Variants in FNDC3B observed in about 807,000 individuals in gnomAD.
The protein encoded by FNDC3B is fibronectin type III domain-containing protein 3B.
Under a neutral mutation model 151.5 loss-of-function variants are expected in FNDC3B, and 12 were observed. That is an observed-to-expected ratio of 0.08 (90% CI 0.05 to 0.13). The LOEUF (loss-of-function observed/expected upper bound fraction) is 0.13, where lower values mean the gene tolerates loss of function less well. Among genes scored for constraint, FNDC3B ranks in the 10% least tolerant of loss-of-function variants. The pLI, the probability that FNDC3B is intolerant of heterozygous loss-of-function variation, is 1.00. For synonymous variants in FNDC3B, 528 were observed against 549.0 expected (o/e 0.96, Z 0.54); for missense variants, 1,214 against 1,505.3 (o/e 0.81, Z 3.20).
At chr3:172,254,739 A>G (rs1460001646) in intron 6 of FNDC3B, among the ~76,000 whole-genome samples, 1 of 152,190 alleles carries the variant, frequency 6.6e-6, no homozygotes, top group East Asian at 1.9e-4. Flanking sequence ...AGAGGCCCAT[A>G]GTACACTCTG....
At chr3:172,330,006 T>G (rs901383046) in intron 12 of FNDC3B, 1 of 152,218 alleles carries the variant, frequency 6.6e-6, no homozygotes, top group African/African-American at 2.4e-5. Flanking sequence ...TTGATAAACA[T>G]TGCCTTGTGC....
chr3:172,084,472 T>TACACACACACACACACACACACACAC lies in FNDC3B; in HGVS notation c.-28-27967_-28-27966insCACACACACACACACACACACACACA, dbSNP rs138156277. 3.4e-3 allele frequency among the ~76,000 whole-genome samples: 490 copies of TACACACACACACACACACACACACAC among 143,588 alleles called. 3 individuals are homozygous for TACACACACACACACACACACACACAC. Among genetic ancestry groups the TACACACACACACACACACACACACAC allele is most frequent in the Non-Finnish European group, 4.3e-3 (284 of 66,322 alleles). The allele number at this position is 143,588 out of a possible 152,430, so 94.2% of individuals were successfully genotyped here. ...CTCAAAAAAAAAATATGTATATGTA[T>TACACACACACACACACACACACACAC]ACACACACACACATACACACACACA... On this transcript the variant is annotated intron_variant, in intron 1 of 25. Transcript: ENST00000415807.
At chr3:172,298,287 A>T (rs1389313187) in intron 8 of FNDC3B, among the ~76,000 whole-genome samples, 2 of 152,194 alleles carry the variant, frequency 1.3e-5, no homozygotes, top group African/African-American at 4.8e-5. Context: ...GTGCATTGGT[A>T]AGTGAGGAAG....
At chr3:172,191,059 T>A (rs1408508055) in intron 3 of FNDC3B, among the ~76,000 whole-genome samples, 1 of 152,242 alleles carries the variant, frequency 6.6e-6, no homozygotes, top group Non-Finnish European at 1.5e-5. Flanking sequence ...TAAAATCATA[T>A]AATTATATAA....
intron 4 of FNDC3B, among the ~76,000 whole-genome samples, chr3:172,234,407 A>G (rs1264942653): frequency 1.3e-5 from 2 of 152,232 alleles, no homozygotes; most frequent in African/African-American, 2.4e-5. Flanking sequence ...AAATTTGGCT[A>G]TCTGGCTGGA....
intron 25 of FNDC3B, among the ~76,000 whole-genome samples, chr3:172,390,288 A>G (rs1735940290): frequency 6.6e-6 from 1 of 152,262 alleles, no homozygotes. Context: ...AACATTTACA[A>G]ATTAAAAACT....
At chr3:172,332,572 G>A (rs1166334335) in intron 13 of FNDC3B, among the ~76,000 whole-genome samples, 1 of 152,192 alleles carries the variant, frequency 6.6e-6, no homozygotes, top group Non-Finnish European at 1.5e-5. Flanking sequence ...ATTTTGATGA[G>A]TGAATGATAG....
In FNDC3B at chr3:172,353,077, C is replaced by T. The variant is rs763615284; in HGVS notation, c.2789C>T (p.Thr930Ile). Residue 930 changes from threonine (T) to isoleucine (I), a missense_variant, in exon 22 of 26, where the codon ACC (threonine) becomes ATC (isoleucine). Physicochemically the swap from Thr to Ile is moderately conservative, Grantham distance 89. Coordinates refer to ENST00000415807, the MANE Select transcript of FNDC3B (RefSeq NM_022763.4). ...HVMKDLLPET[T>I]YRIRIQAINE... Reference sequence around the variant, plus strand: ...ATGAAAGATCTCCTTCCAGAAACCACCTACCGGTGAGTGCAAGGGAGTAGA... The same window carrying T: ...ATGAAAGATCTCCTTCCAGAAACCATCTACCGGTGAGTGCAAGGGAGTAGA... The T allele has an allele frequency of 7.4e-6, 12 of 1,613,684 alleles. No homozygotes were observed. The South Asian group carries it at 1.3e-4, about 18-fold the overall frequency.
chr3:172,245,459 C>T (rs1180853586), intron 4 of FNDC3B, among the ~76,000 whole-genome samples: 1 of 148,496 alleles, frequency 6.7e-6, no homozygotes, highest in Non-Finnish European at 1.5e-5. Context: ...TGGAATATGC[C>T]TTTTTTTTTT....
At chr3:172,062,125 C>G (rs536686588) in intron 1 of FNDC3B, among the ~76,000 whole-genome samples, 3 of 152,230 alleles carry the variant, frequency 2.0e-5, no homozygotes, top group African/African-American at 7.2e-5. Context: ...TGTCCGGAAG[C>G]TGATCAGTGC....
At chr3:172,317,065 C>G in intron 11 of FNDC3B, 2 of 410,606 alleles carry the variant, frequency 4.9e-6, no homozygotes, top group Non-Finnish European at 9.5e-6. Flanking sequence ...CAAACTCACT[C>G]CTGTCAAAAT....
intron 3 of FNDC3B, among the ~76,000 whole-genome samples, chr3:172,183,614 T>C (rs1433614805): frequency 6.6e-6 from 1 of 152,364 alleles, no homozygotes; most frequent in South Asian, 2.1e-4. Context: ...CATTTCATGG[T>C]TTCACTTATC....
At chr3:172,173,653 A>C (rs1336749682) in intron 3 of FNDC3B, among the ~76,000 whole-genome samples, 1 of 151,766 alleles carries the variant, frequency 6.6e-6, no homozygotes. Context: ...AAAATTAAAA[A>C]AATTAAAAAT....
At chr3:172,160,537 C>G (rs555859939) in intron 3 of FNDC3B, among the ~76,000 whole-genome samples, 1 of 152,340 alleles carries the variant, frequency 6.6e-6, no homozygotes, top group East Asian at 1.9e-4. Context: ...CCGAATTTCA[C>G]TAATATTGGC....
chr3:172,358,216 T>C (rs75281631), intron 22 of FNDC3B, among the ~76,000 whole-genome samples: 2 of 152,262 alleles, frequency 1.3e-5, no homozygotes, highest in Admixed American at 6.5e-5. Context: ...GGGGTCAGCA[T>C]AGAAATCAGA....
chr3:172,392,810 C>CTTTTTTTTTTTTTTTTTTTTTTTT (rs1167627679), intron 25 of FNDC3B, among the ~76,000 whole-genome samples: 17 of 99,852 alleles, frequency 1.7e-4, no homozygotes, highest in Non-Finnish European at 1.9e-4. Context: ...TTTTTTTTTT[C>CTTTTTTTTTTTTTTTTTTTTTTTT]TTTTTTTTTT....
intron 4 of FNDC3B, among the ~76,000 whole-genome samples, chr3:172,240,703 T>C (rs1727449909): frequency 6.6e-6 from 1 of 152,146 alleles, no homozygotes; most frequent in Non-Finnish European, 1.5e-5. Flanking sequence ...TACCTAATTC[T>C]CAAGTGTTAA....
At position 172,392,798 on chromosome 3, in the gene FNDC3B, CT is replaced by C. The variant is rs11450405; in HGVS notation, c.3304-4355del. Among the ~76,000 whole-genome samples the C allele has an allele frequency of 1.8e-3, 157 of 86,292 alleles. 1 individual carries two copies. Among genetic ancestry groups the C allele is most frequent in the Middle Eastern group, 0.013 (2 of 150 alleles). 56.6% of individuals were successfully genotyped at this position (86,292 alleles called of 152,430 possible). The stretch of plus-strand genomic sequence containing the variant: ...GACAAAGTAACTGAATGAATTTTTT[CT>C]TTTTTTTTTTCTTTTTTTTTTTTCA... On this transcript the variant is annotated intron_variant, in intron 25 of 25. Coordinates refer to ENST00000415807, the MANE Select transcript of FNDC3B (RefSeq NM_022763.4).
intron 21 of FNDC3B, among the ~76,000 whole-genome samples, chr3:172,351,594 C>G (rs988196795): frequency 6.6e-6 from 1 of 152,186 alleles, no homozygotes; most frequent in African/African-American, 2.4e-5. Context: ...AATCCTGATT[C>G]ATATTTTCAC....
Sources: allele counts gnomAD v4.1 joint callset (sites outside exome capture counted in the v4.1 genomes callset), GRCh38; gene constraint gnomAD v4.1.1; transcripts MANE v1.5; gene names NCBI Gene and HGNC (gene_info 2026-07-23, HGNC 2026-07-21).